Variants in NOX4 observed in about 807,000 individuals in gnomAD.
NOX4 encodes kidney oxidase-1.
Under a neutral mutation model 87.6 loss-of-function variants are expected in NOX4, and 69 were observed. That is an observed-to-expected ratio of 0.79 (90% CI 0.65 to 0.96). The LOEUF is 0.96. Among genes scored for constraint, NOX4 ranks in the 40% least tolerant of loss-of-function variants. The probability of loss-of-function intolerance (pLI) is 0.00; values close to 1 mark genes in which losing one functional copy is unlikely to be tolerated. For missense variants in NOX4, 680 were observed against 681.5 expected, an observed-to-expected ratio of 1.00 and a Z score of 0.02; for synonymous variants, 275 against 238.2, an observed-to-expected ratio of 1.15 and a Z score of -1.42.
chr11:89,562,408 G>A, the NOX4 span, among the ~76,000 whole-genome samples: 3 of 151,660 alleles, frequency 2.0e-5, no homozygotes, highest in Non-Finnish European at 4.4e-5. Context: ...TCCCTTCTCT[G>A]CCCCTTCTTC....
chr11:89,405,666 C>T (rs1345191703), intron 8 of NOX4, among the ~76,000 whole-genome samples: 1 of 147,734 alleles, frequency 6.8e-6, no homozygotes, highest in South Asian at 2.2e-4. Flanking sequence ...GGTCATTTGG[C>T]TGTAATTAGG....
the NOX4 span, among the ~76,000 whole-genome samples, chr11:89,571,560 G>T: frequency 6.6e-6 from 1 of 152,084 alleles, no homozygotes; most frequent in Non-Finnish European, 1.5e-5. Flanking sequence ...CTCCCAAAGT[G>T]CTGGGATTAC....
intron 6 of NOX4, among the ~76,000 whole-genome samples, chr11:89,438,263 T>A (rs1186045036): frequency 1.5e-5 from 2 of 136,156 alleles, no homozygotes; most frequent in Admixed American, 8.4e-5. Flanking sequence ...TTATTATATA[T>A]AATATATAAT....
At chr11:89,483,980 T>C (rs903248640) in intron 2 of NOX4, among the ~76,000 whole-genome samples, 1 of 152,064 alleles carries the variant, frequency 6.6e-6, no homozygotes. Flanking sequence ...AGAACCCCTC[T>C]AACTCAGTTT....
chr11:89,382,718 C>G (rs1293450877), intron 11 of NOX4, among the ~76,000 whole-genome samples: 1 of 152,066 alleles, frequency 6.6e-6, no homozygotes, highest in Non-Finnish European at 1.5e-5. Flanking sequence ...CCCTATAATT[C>G]TTCTGTCACC....
chr11:89,577,389 T>C, the NOX4 span: 11 of 152,164 alleles, frequency 7.2e-5, no homozygotes, highest in Admixed American at 5.9e-4. Context: ...CATTTACATA[T>C]CTTGCTGAAA....
chr11:89,388,660 G>A (rs193079008), intron 11 of NOX4, among the ~76,000 whole-genome samples: 31 of 152,182 alleles, frequency 2.0e-4, no homozygotes, highest in African/African-American at 6.3e-4. Context: ...AACCTAAAAC[G>A]TCATTCATCC....
chr11:89,415,646 C>CCATTAAT lies in NOX4; in HGVS notation c.629+6255_629+6256insATTAATG, dbSNP rs1263277022. 1.2e-4 allele frequency among the ~76,000 whole-genome samples: 18 copies of CCATTAAT among 152,120 alleles called. No homozygotes were observed. The East Asian group carries it at 1.4e-3, about 11-fold the overall frequency. The stretch of plus-strand genomic sequence containing the variant: ...GTATGTATTTCAGGAATTAATGAAT[C>CCATTAAT]CCTGAATCCATTCAATTAGTCCTAG... On this transcript the variant is annotated intron_variant, in intron 8 of 17. Transcript: ENST00000263317.
intron 13 of NOX4, among the ~76,000 whole-genome samples, chr11:89,347,505 G>A (rs1266905432): frequency 6.6e-6 from 1 of 152,068 alleles, no homozygotes; most frequent in Non-Finnish European, 1.5e-5. Context: ...TCATGCATTG[G>A]GCATTCCTCA....
At chr11:89,353,041 A>G (rs1406764625) in intron 13 of NOX4, among the ~76,000 whole-genome samples, 1 of 151,980 alleles carries the variant, frequency 6.6e-6, no homozygotes, top group African/African-American at 2.4e-5. Context: ...CTGGTCTCAA[A>G]CTCCTGCCCT....
chr11:89,434,230 C>A (rs903772289), intron 6 of NOX4, among the ~76,000 whole-genome samples: 2 of 151,982 alleles, frequency 1.3e-5, no homozygotes, highest in Non-Finnish European at 2.9e-5. Context: ...TAACAGCATT[C>A]GAAATCTCAG....
the NOX4 span, among the ~76,000 whole-genome samples, chr11:89,579,410 A>G: frequency 6.6e-6 from 1 of 152,112 alleles, no homozygotes; most frequent in Non-Finnish European, 1.5e-5. Context: ...GTGGGGACAG[A>G]GAGTGTGTGG....
chr11:89,350,367 T>G (rs1946404367), intron 13 of NOX4, among the ~76,000 whole-genome samples: 1 of 152,188 alleles, frequency 6.6e-6, no homozygotes, highest in Non-Finnish European at 1.5e-5. Flanking sequence ...ATAAAGGACA[T>G]ACATTTCCAT....
chr11:89,549,623 A>C, the NOX4 span, among the ~76,000 whole-genome samples: 1 of 152,162 alleles, frequency 6.6e-6, no homozygotes, highest in African/African-American at 2.4e-5. Context: ...TATTTCTCTT[A>C]ATACTATCCC....
At chr11:89,513,451 C>A in the NOX4 span, among the ~76,000 whole-genome samples, 5 of 151,866 alleles carry the variant, frequency 3.3e-5, no homozygotes, top group African/African-American at 4.8e-5. Flanking sequence ...ATGAAAAAAT[C>A]TCTAGCTATA....
At chr11:89,442,274 A>G (rs1230904419) in intron 5 of NOX4, among the ~76,000 whole-genome samples, 4 of 152,024 alleles carry the variant, frequency 2.6e-5, no homozygotes, top group African/African-American at 9.6e-5. Flanking sequence ...GATGAGTTGT[A>G]GAAATAGGCA....
chr11:89,484,169 T>C (rs774371529), intron 2 of NOX4, among the ~76,000 whole-genome samples: 1 of 152,128 alleles, frequency 6.6e-6, no homozygotes, highest in Non-Finnish European at 1.5e-5. Context: ...TTGACTATCT[T>C]TGAGATTCAT....
chr11:89,327,455 T>C (rs1338365184), intron 17 of NOX4, among the ~76,000 whole-genome samples: 1 of 152,218 alleles, frequency 6.6e-6, no homozygotes, highest in East Asian at 1.9e-4. Flanking sequence ...TTCTTTTTTA[T>C]TTATGCACTG....
intron 2 of NOX4, among the ~76,000 whole-genome samples, chr11:89,464,451 C>T (rs936096304): frequency 6.6e-6 from 1 of 152,074 alleles, no homozygotes; most frequent in Non-Finnish European, 1.5e-5. Flanking sequence ...TTTTAAGTGG[C>T]AAGATTATAA....
Sources: gnomAD v4.1 joint callset for allele counts (sites outside exome capture counted in the v4.1 genomes callset) on GRCh38, gnomAD v4.1.1 for gene constraint, MANE v1.5 for transcripts, NCBI Gene and HGNC (gene_info 2026-07-23, HGNC 2026-07-21) for gene names.